The following TYW1B variants were observed in gnomAD, a reference collection of about 807,000 sequenced individuals.
TYW1B encodes the protein S-adenosyl-L-methionine-dependent tRNA 4-demethylwyosine synthase TYW1B.
Under a neutral mutation model 86.9 loss-of-function variants are expected in TYW1B, and 73 were observed. The ratio of observed to expected loss-of-function variants is 0.84; its 90% confidence interval spans 0.70 to 1.02. The LOEUF (loss-of-function observed/expected upper bound fraction) is 1.02. Among genes scored for constraint, TYW1B ranks in the 50% least tolerant of loss-of-function variants. The pLI is 0.00. For synonymous variants in TYW1B, 248 were observed against 292.8 expected (o/e 0.85, Z 1.56); for missense variants, 637 against 827.4 (o/e 0.77, Z 2.82).
chr7:72,727,393 A>T (rs1427517048), intron 9 of TYW1B, among the ~76,000 whole-genome samples: 1 of 152,202 alleles, frequency 6.6e-6, no homozygotes, highest in African/African-American at 2.4e-5. Flanking sequence ...CAGAGCATAC[A>T]GATTCAACAG....
intron 11 of TYW1B, among the ~76,000 whole-genome samples, chr7:72,635,302 A>G (rs1485683996): frequency 4.6e-5 from 7 of 152,180 alleles, no homozygotes; most frequent in African/African-American, 1.7e-4. Context: ...TCATTGTCTC[A>G]ATATCACACT....
rs371674360 is a variant in TYW1B, at chr7:72,814,749, A to G, written c.237+631T>C. Among the ~76,000 whole-genome samples, 63 of 151,960 alleles carry G rather than the reference A, an allele frequency of 4.1e-4. 1 individual carries two copies. In the East Asian group the frequency reaches 0.011, roughly 26 times the overall value. ...GGTGAGAGAATGAGAGCCTGTCTCA[A>G]TAAAATAAATTCAAAAAAAATAAAA... On this transcript the variant is annotated intron_variant, in intron 3 of 13. Transcript: ENST00000620995.
At chr7:72,736,745 G>A (rs570614377) in intron 8 of TYW1B, among the ~76,000 whole-genome samples, 10 of 152,164 alleles carry the variant, frequency 6.6e-5, no homozygotes, top group East Asian at 5.8e-4. Flanking sequence ...TGTTGTGATC[G>A]GCTTCTTTCA....
chr7:72,735,713 T>C (rs1290979559), intron 8 of TYW1B, among the ~76,000 whole-genome samples: 2 of 151,384 alleles, frequency 1.3e-5, no homozygotes, highest in Admixed American at 6.6e-5. Context: ...CTACTAAAAA[T>C]ACAAAAATTA....
At position 72,574,564 on chromosome 7, in the gene TYW1B, A is replaced by C. The variant is rs1810975330; in HGVS notation, c.*934T>G. The stretch of plus-strand genomic sequence containing the variant: ...TCAATTTTTGCATAAAAGACTGTTA[A>C]AAGAATTTGCTAACTTGAAAACAAT... On this transcript the variant is annotated 3_prime_UTR_variant, in exon 14 of 14. Transcript: ENST00000620995. 1.0e-6 allele frequency: 1 copy of C among 984,406 alleles called. No homozygotes were observed. Among genetic ancestry groups the C allele is most frequent in the Admixed American group, 6.1e-5 (1 of 16,274 alleles). The allele number at this position is 984,406 out of a possible 1,614,324, so 61.0% of individuals were successfully genotyped here.
At chr7:72,782,079 T>G (rs1479129569) in intron 6 of TYW1B, among the ~76,000 whole-genome samples, 3 of 151,716 alleles carry the variant, frequency 2.0e-5, no homozygotes, top group African/African-American at 7.3e-5. Flanking sequence ...AGCCGAGGAG[T>G]TGGAAACCAG....
intron 12 of TYW1B, among the ~76,000 whole-genome samples, chr7:72,620,315 C>T (rs1403220781): frequency 2.0e-5 from 3 of 152,122 alleles, no homozygotes; most frequent in African/African-American, 2.4e-5. Flanking sequence ...GAGAATCGCT[C>T]GAACCCAGTA....
intron 9 of TYW1B, among the ~76,000 whole-genome samples, chr7:72,724,534 C>T (rs782194431): frequency 1.3e-5 from 2 of 152,106 alleles, no homozygotes; most frequent in South Asian, 2.1e-4. Context: ...CTTATGCCTA[C>T]GTGCTGACCC....
chr7:72,772,369 C>T (rs1462657984), intron 7 of TYW1B, among the ~76,000 whole-genome samples: 2 of 151,874 alleles, frequency 1.3e-5, no homozygotes, highest in Admixed American at 6.6e-5. Context: ...GTATGCTGGG[C>T]CATAAAACAA....
intron 13 of TYW1B, among the ~76,000 whole-genome samples, chr7:72,576,118 C>T (rs1811016902): frequency 6.6e-6 from 1 of 152,196 alleles, no homozygotes; most frequent in Admixed American, 6.5e-5. Flanking sequence ...TCGTGGAATC[C>T]TTTTTAGACT....
intron 11 of TYW1B, among the ~76,000 whole-genome samples, chr7:72,690,574 C>A (rs1814123560): frequency 6.6e-6 from 1 of 152,102 alleles, no homozygotes; most frequent in Non-Finnish European, 1.5e-5. Context: ...TGGGACAAAT[C>A]AAAATTTTTT....
Position 72,599,440 on chromosome 7 carries a change from T to C in TYW1B, c.1785+17232A>G, listed in dbSNP as rs569386858. Among the ~76,000 whole-genome samples the C allele has an allele frequency of 9.2e-4, 140 of 152,322 alleles. 1 individual carries two copies. The Middle Eastern group carries it at 0.01, about 11-fold the overall frequency. ...AGCCTTCCGCTAAGATCATACTTAA[T>C]GGTGAGAAGCTAGATATTCCCCCAT... On this transcript the variant is annotated intron_variant, in intron 13 of 13. Transcript: ENST00000620995.
At chr7:72,691,474 C>G (rs1323527750) in intron 11 of TYW1B, among the ~76,000 whole-genome samples, 1 of 152,126 alleles carries the variant, frequency 6.6e-6, no homozygotes, top group African/African-American at 2.4e-5. Context: ...ATGAGCAAAC[C>G]CAGAGTGATT....
intron 11 of TYW1B, among the ~76,000 whole-genome samples, chr7:72,673,191 A>T (rs1203207945): frequency 6.6e-6 from 1 of 152,184 alleles, no homozygotes; most frequent in African/African-American, 2.4e-5. Flanking sequence ...ATCCACAAAT[A>T]ACTACAGGTT....
At chr7:72,668,332 T>C (rs1292555066) in intron 11 of TYW1B, among the ~76,000 whole-genome samples, 1 of 152,122 alleles carries the variant, frequency 6.6e-6, no homozygotes, top group Non-Finnish European at 1.5e-5. Context: ...TATCAAAAAA[T>C]GCTTTCTCAG....
chr7:72,768,482 C>T (rs1315164546), intron 7 of TYW1B, among the ~76,000 whole-genome samples: 18 of 152,108 alleles, frequency 1.2e-4, no homozygotes, highest in Admixed American at 2.0e-4. Context: ...TAAAGAAAAA[C>T]GACAGACAAA....
chr7:72,647,291 C>A (rs1212189270), intron 11 of TYW1B, among the ~76,000 whole-genome samples: 16 of 152,062 alleles, frequency 1.1e-4, no homozygotes, highest in Non-Finnish European at 2.1e-4. Context: ...AGTAACATGG[C>A]AAGATGATTA....
chr7:72,586,974 A>G (rs1361921110), intron 13 of TYW1B, among the ~76,000 whole-genome samples: 13 of 152,090 alleles, frequency 8.5e-5, no homozygotes, highest in Admixed American at 8.5e-4. Context: ...AAAGAACACT[A>G]ATGCAAAACG....
chr7:72,621,774 T>C (rs1177538887), intron 12 of TYW1B, among the ~76,000 whole-genome samples: 3 of 152,218 alleles, frequency 2.0e-5, no homozygotes, highest in African/African-American at 7.2e-5. Context: ...CCACAACTCT[T>C]TTCTAATCCA....
Sources: allele counts gnomAD v4.1 joint callset (sites outside exome capture counted in the v4.1 genomes callset), GRCh38; gene constraint gnomAD v4.1.1; transcripts MANE v1.5; gene names NCBI Gene and HGNC (gene_info 2026-07-23, HGNC 2026-07-21).